Variants in CLEC2A observed in about 807,000 individuals in gnomAD.
CLEC2A encodes the protein C-type lectin domain family 2 member A, also known as keratinocyte-associated C-type lectin.
A neutral mutation model predicts 18.6 loss-of-function variants in CLEC2A; 19 were observed. That is an observed-to-expected ratio of 1.02 (90% CI 0.71 to 1.50). The LOEUF (loss-of-function observed/expected upper bound fraction) is 1.50, where lower values mean the gene tolerates loss of function less well. Ranked by LOEUF, CLEC2A falls within the 40% of genes most tolerant of loss-of-function variation. The probability of loss-of-function intolerance (pLI) is 0.00; values close to 1 mark genes in which losing one functional copy is unlikely to be tolerated. For synonymous variants in CLEC2A, 74 were observed against 64.0 expected (o/e 1.16, Z -0.75); for missense variants, 190 against 207.9 (o/e 0.91, Z 0.53).
the CLEC2A span, among the ~76,000 whole-genome samples, chr12:9,879,788 C>T: frequency 6.6e-6 from 1 of 152,224 alleles, no homozygotes; most frequent in East Asian, 1.9e-4. Context: ...AACTTGACCA[C>T]TTTGACCCAA....
Position 9,898,843 on chromosome 12 carries a change from T to C in CLEC2A, c.*61A>G, listed in dbSNP as rs1862787021. 1.0e-5 allele frequency: 7 copies of C among 697,292 alleles called. No homozygotes were observed. The East Asian group carries it at 1.9e-4, about 19-fold the overall frequency. The allele number at this position is 697,292 out of a possible 1,614,324, so 43.2% of individuals were successfully genotyped here. ...GGATAAGGATGAAGACAGATTTAAC[T>C]GCTTCCTGCTGACAGGGGACATTGT... On this transcript the variant is annotated 3_prime_UTR_variant, in exon 5 of 5. Transcript: ENST00000339766.
intron 1 of CLEC2A, among the ~76,000 whole-genome samples, chr12:9,929,285 A>T (rs1286011070): frequency 6.6e-6 from 1 of 152,112 alleles, no homozygotes; most frequent in Admixed American, 6.5e-5. Context: ...GGTTACCTTT[A>T]GCATTGTACT....
At chr12:9,898,875 G>A (rs1862787483) in exon 5 of CLEC2A, 3 of 710,088 alleles carry the variant, frequency 4.2e-6, no homozygotes, top group Non-Finnish European at 7.8e-6. Flanking sequence ...TTGTTTTGGG[G>A]AAACGGCAGT....
the CLEC2A span, among the ~76,000 whole-genome samples, chr12:9,889,388 A>G: frequency 3.9e-5 from 6 of 152,122 alleles, no homozygotes; most frequent in African/African-American, 1.2e-4. Context: ...TGGATTTTGC[A>G]TTTGTAGATT....
intron 4 of CLEC2A, among the ~76,000 whole-genome samples, chr12:9,903,164 C>T (rs1431735796): frequency 6.6e-6 from 1 of 151,640 alleles, no homozygotes; most frequent in Non-Finnish European, 1.5e-5. Context: ...TAATCTCTGG[C>T]AATTTCCCTC....
intron 2 of CLEC2A, among the ~76,000 whole-genome samples, chr12:9,923,577 G>A (rs1196266892): frequency 2.0e-5 from 3 of 151,958 alleles, no homozygotes; most frequent in Non-Finnish European, 4.4e-5. Flanking sequence ...TCCATTACTG[G>A]GTATATACCC....
rs1210036022 is a variant in CLEC2A at position 9,922,200 on chromosome 12, A to T, written c.172T>A (p.Cys58Ser). ...TWSKHAKPVACSGDWLGVRDK... is the reference protein window; with the variant it reads ...TWSKHAKPVASSGDWLGVRDK... ...CTCACTCCAAGCCAGTCCCCTGAAC[A>T]TGCCACAGGTTTAGCATGCTTGGAC... Residue 58 changes from cysteine to serine, a missense_variant, in exon 3 of 5, where the codon TGT (cysteine) becomes AGT (serine). By Grantham distance (112) the Cys-to-Ser change is moderately radical (BLOSUM62 -1). Transcript: ENST00000455827. 1 of 1,549,790 alleles carries T rather than the reference A, an allele frequency of 6.5e-7. No individual in the cohort carries two copies. Among genetic ancestry groups the T allele is most frequent in the Non-Finnish European group, 8.7e-7 (1 of 1,146,110 alleles).
At chr12:9,920,812 C>T (rs1012735110) in intron 3 of CLEC2A, among the ~76,000 whole-genome samples, 1 of 152,166 alleles carries the variant, frequency 6.6e-6, no homozygotes, top group Non-Finnish European at 1.5e-5. Flanking sequence ...TTAATTCACT[C>T]GCGTCTTCGA....
At chr12:9,891,969 C>A in the CLEC2A span, among the ~76,000 whole-genome samples, 1 of 152,098 alleles carries the variant, frequency 6.6e-6, no homozygotes, top group African/African-American at 2.4e-5. Flanking sequence ...CAACAATAAG[C>A]ATTTATTATA....
At chr12:9,907,544 G>T (rs571210664) in intron 4 of CLEC2A, among the ~76,000 whole-genome samples, 1 of 151,990 alleles carries the variant, frequency 6.6e-6, no homozygotes, top group Non-Finnish European at 1.5e-5. Flanking sequence ...GTAACTTCAC[G>T]TTCTACAAAC....
downstream of CLEC2A, among the ~76,000 whole-genome samples, chr12:9,910,367 T>C (rs956275315): frequency 6.6e-6 from 1 of 152,156 alleles, no homozygotes; most frequent in African/African-American, 2.4e-5. Context: ...GCAGGCTTTT[T>C]CCCTGGAGTT....
chr12:9,921,756 A>G (rs559032062), intron 3 of CLEC2A, among the ~76,000 whole-genome samples: 2 of 152,330 alleles, frequency 1.3e-5, no homozygotes, highest in East Asian at 3.9e-4. Context: ...AGAAAAGAAG[A>G]TGTTATTAAG....
At chr12:9,929,620 T>C (rs1303106346) in intron 1 of CLEC2A, among the ~76,000 whole-genome samples, 1 of 152,132 alleles carries the variant, frequency 6.6e-6, no homozygotes, top group Non-Finnish European at 1.5e-5. Flanking sequence ...TCCACTTGTA[T>C]ATGAATTTTT....
At chr12:9,892,410 G>A in the CLEC2A span, among the ~76,000 whole-genome samples, 2 of 151,958 alleles carry the variant, frequency 1.3e-5, no homozygotes, top group Non-Finnish European at 2.9e-5. Flanking sequence ...TAAATAATAA[G>A]CTTTTACTTT....
intron 4 of CLEC2A, among the ~76,000 whole-genome samples, chr12:9,903,537 G>A (rs1485616607): frequency 1.3e-5 from 2 of 152,140 alleles, no homozygotes; most frequent in Non-Finnish European, 2.9e-5. Context: ...GGTTCCACTG[G>A]AAGCAGTATT....
chr12:9,921,841 CGTT>C (rs1181103478), intron 3 of CLEC2A, among the ~76,000 whole-genome samples: 3 of 152,012 alleles, frequency 2.0e-5, no homozygotes, highest in African/African-American at 4.8e-5. Context: ...TCTTCATCCT[CGTT>C]GTTTTCATAT....
At chr12:9,892,870 CA>C in the CLEC2A span, 1 of 571,594 alleles carries the variant, frequency 1.7e-6, no homozygotes, top group East Asian at 3.2e-5. Context: ...AGGCGTGAGC[CA>C]CCGCGCCTGG....
chr12:9,892,606 CAG>C, the CLEC2A span, among the ~76,000 whole-genome samples: 2 of 104,498 alleles, frequency 1.9e-5, no homozygotes, highest in Admixed American at 2.5e-4. Flanking sequence ...TTTTTTGAGA[CAG>C]AGTTTCGCTC....
chr12:9,893,037 C>A, the CLEC2A span: 2 of 1,535,352 alleles, frequency 1.3e-6, no homozygotes, highest in Non-Finnish European at 1.7e-6. Flanking sequence ...TTACTTGTGC[C>A]CAAATGACTG....
Sources: allele counts gnomAD v4.1 joint callset (sites outside exome capture counted in the v4.1 genomes callset), GRCh38; gene constraint gnomAD v4.1.1; transcripts MANE v1.5; gene names NCBI Gene and HGNC (gene_info 2026-07-23, HGNC 2026-07-21).